MTAP: variants seen among roughly 807,000 people sequenced by gnomAD.
MTAP encodes the protein S-methyl-5'-thioadenosine phosphorylase.
A neutral mutation model predicts 33.6 loss-of-function variants in MTAP; 33 were observed. The observed-to-expected ratio is 0.98, with a 90% CI of 0.74 to 1.31. The LOEUF is 1.31. Among genes scored for constraint, MTAP ranks in the 40% most tolerant of loss-of-function variants. The probability of loss-of-function intolerance (pLI) is 0.00; values close to 1 mark genes in which losing one functional copy is unlikely to be tolerated. For missense variants in MTAP, 367 were observed against 360.0 expected, an observed-to-expected ratio of 1.02 and a Z score of -0.16; for synonymous variants, 148 against 125.7, an observed-to-expected ratio of 1.18 and a Z score of -1.19.
intron 1 of MTAP, among the ~76,000 whole-genome samples, chr9:21,879,944 TTCTC>T (rs1817979372): frequency 1.3e-5 from 2 of 152,078 alleles, no homozygotes; most frequent in Admixed American, 1.3e-4. Flanking sequence ...GGCCTGCCCT[TTCTC>T]TCTGGCTTCC....
intron 1 of MTAP, among the ~76,000 whole-genome samples, chr9:21,926,045 G>T (rs1047826658): frequency 7.9e-5 from 12 of 152,156 alleles, no homozygotes; most frequent in African/African-American, 2.7e-4. Context: ...TAGACTAGGG[G>T]CTTAGTTAAC....
intron 2 of MTAP, among the ~76,000 whole-genome samples, chr9:21,815,800 G>C (rs1824459595): frequency 6.6e-6 from 1 of 152,118 alleles, no homozygotes; most frequent in African/African-American, 2.4e-5. Flanking sequence ...TCAGACCACA[G>C]ACTCATTTCA....
At chr9:21,822,936 G>A (rs1824683910) in intron 4 of MTAP, among the ~76,000 whole-genome samples, 1 of 152,164 alleles carries the variant, frequency 6.6e-6, no homozygotes, top group Admixed American at 6.5e-5. Context: ...TTTTATCAGA[G>A]ACTAGGATTG....
At chr9:21,832,972 A>T (rs1251147373) in intron 4 of MTAP, among the ~76,000 whole-genome samples, 3 of 152,112 alleles carry the variant, frequency 2.0e-5, no homozygotes, top group African/African-American at 4.8e-5. Context: ...TAGAGTGAGG[A>T]TTTTTATTTT....
At position 21,863,782 on chromosome 9, in the gene MTAP, G is replaced by T; in HGVS notation, c.*1768G>T. 1.0e-6 allele frequency: 1 copy of T among 985,856 alleles called. No individual in the cohort carries two copies. The highest frequency in any genetic ancestry group is 1.2e-6 in the Non-Finnish European group (1 of 829,936). The allele number at this position is 985,856 out of a possible 1,614,324, so 61.1% of individuals were successfully genotyped here. A position where few individuals can be genotyped will look rare whatever the true frequency, so the allele number is the denominator to read the frequency against. ...TATTTAAAGAGTTTGTAAAGTCAAT[G>T]TGTTTGTTTGTGTCTCTGAGATTGA... On this transcript the variant is annotated 3_prime_UTR_variant, in exon 8 of 8. Transcript: ENST00000644715.
intron 5 of MTAP, among the ~76,000 whole-genome samples, chr9:21,851,257 G>A (rs1474557859): frequency 2.0e-5 from 3 of 152,216 alleles, no homozygotes; most frequent in African/African-American, 7.2e-5. Context: ...GGTAGTAGAA[G>A]AAGGTAGTCA....
Position 21,864,299 on chromosome 9 carries a change from T to A in MTAP, c.*2285T>A, listed in dbSNP as rs1479108419. The A allele has an allele frequency of 1.0e-6, 1 of 985,282 alleles. No homozygotes were observed. The highest frequency in any genetic ancestry group is 1.7e-5 in the African/African-American group (1 of 57,230). 61.0% of individuals were successfully genotyped at this position (985,282 alleles called of 1,614,324 possible). A position where few individuals can be genotyped will look rare whatever the true frequency, so the allele number is the denominator to read the frequency against. ...TTTCCTCATACCTTATGCTTGAGGA[T>A]ATTGTTGAAGAACACTTCCTGGAAC... On this transcript the variant is annotated 3_prime_UTR_variant, in exon 8 of 8. Coordinates refer to ENST00000644715, the MANE Select transcript of MTAP (RefSeq NM_002451.4).
At chr9:21,811,576 G>C (rs1199754463) in intron 1 of MTAP, 1 of 400,592 alleles carries the variant, frequency 2.5e-6, no homozygotes, top group African/African-American at 2.1e-5. Context: ...GTGAATAAAG[G>C]GTTCACACCA....
At chr9:21,920,624 A>G (rs941145823) in intron 1 of MTAP, among the ~76,000 whole-genome samples, 1 of 152,172 alleles carries the variant, frequency 6.6e-6, no homozygotes, top group African/African-American at 2.4e-5. Context: ...TTCTCTATGG[A>G]TATTTTCACC....
Position 21,847,204 on chromosome 9 carries a change from G to C in MTAP, c.451-7427G>C, listed in dbSNP as rs561070332. The stretch of plus-strand genomic sequence containing the variant: ...TTTGGAACTCTGACTGGCTCTCCTT[G>C]CTCCTCAGCCTGCAGACGGCCTATT... On this transcript the variant is annotated intron_variant, in intron 5 of 7. Transcript: ENST00000644715. Among the ~76,000 whole-genome samples, 6 of 152,290 alleles carry C rather than the reference G, an allele frequency of 3.9e-5. No individual in the cohort carries two copies. In the South Asian group the frequency reaches 1.2e-3, roughly 32 times the overall value.
rs1050412973 is a variant in MTAP at position 21,859,285 on chromosome 9, G to C, written c.691-18G>C. ...GAATTTTAAGTTCTAGTAACCTCCA[G>C]TGCTATTGTTTCTCTAGGTTTCGGT... On this transcript the variant is annotated intron_variant, in intron 6 of 7. Coordinates refer to ENST00000644715, the MANE Select transcript of MTAP (RefSeq NM_002451.4). The C allele has an allele frequency of 1.9e-6, 3 of 1,600,684 alleles. No homozygotes were observed. The African/African-American group carries it at 4.1e-5, about 22-fold the overall frequency.
downstream of MTAP, among the ~76,000 whole-genome samples, chr9:21,867,370 A>G (rs1035266698): frequency 6.6e-6 from 1 of 152,096 alleles, no homozygotes; most frequent in Admixed American, 6.6e-5. Flanking sequence ...CTATTTTGCC[A>G]AGAGTGTCAT....
chr9:21,890,251 G>C (rs1030257612), intron 1 of MTAP, among the ~76,000 whole-genome samples: 1 of 152,112 alleles, frequency 6.6e-6, no homozygotes, highest in Non-Finnish European at 1.5e-5. Flanking sequence ...GCCTCACCCA[G>C]TTCCCACGCA....
chr9:21,863,184 A>C lies in MTAP; in HGVS notation c.*1170A>C, dbSNP rs1375725934. The C allele has an allele frequency of 1.0e-5, 10 of 958,474 alleles. No homozygotes were observed. Among genetic ancestry groups the C allele is most frequent in the Non-Finnish European group, 1.2e-5 (10 of 805,464 alleles). 59.4% of individuals were successfully genotyped at this position (958,474 alleles called of 1,614,324 possible). On this transcript the variant is annotated 3_prime_UTR_variant, in exon 8 of 8. Coordinates refer to ENST00000644715, the MANE Select transcript of MTAP (RefSeq NM_002451.4). Reference sequence around the variant, plus strand: ...CTAAATGCACATTTTATGGTATCTGATATTTTAAAAAGTAATGTTTGATTC... The same window carrying C: ...CTAAATGCACATTTTATGGTATCTGCTATTTTAAAAAGTAATGTTTGATTC...
At chr9:21,937,998 C>T (rs539893762), downstream of MTAP, among the ~76,000 whole-genome samples, 5 of 152,172 alleles carry the variant, frequency 3.3e-5, no homozygotes, top group South Asian at 2.1e-4. Context: ...GGCAGCCCAG[C>T]GTGGTGGCTC....
chr9:21,831,627 T>G (rs774718560), intron 4 of MTAP, among the ~76,000 whole-genome samples: 10 of 152,148 alleles, frequency 6.6e-5, no homozygotes, highest in Non-Finnish European at 1.2e-4. Flanking sequence ...TGCACCCAGC[T>G]ACATATTTTT....
chr9:21,802,652 C>A lies in MTAP; in HGVS notation c.-97C>A. The A allele has an allele frequency of 7.1e-7, 1 of 1,399,208 alleles. No individual in the cohort carries two copies. Among genetic ancestry groups the A allele is most frequent in the Non-Finnish European group, 1.0e-6 (1 of 997,822 alleles). The allele number at this position is 1,399,208 out of a possible 1,614,324, so 86.7% of individuals were successfully genotyped here. On this transcript the variant is annotated 5_prime_UTR_variant, in exon 1 of 8. Coordinates refer to ENST00000644715, the MANE Select transcript of MTAP (RefSeq NM_002451.4). ...GCCCCTGGTCTCCGCACTGCTCACT[C>A]CCGCGCAGTGAGGTTGGCACAGCCA...
At chr9:21,816,897 A>G in intron 3 of MTAP, 125 bp downstream of exon 3, 2 of 752,824 alleles carry the variant, frequency 2.7e-6, no homozygotes, top group Non-Finnish European at 4.2e-6. Context: ...ACATCTTAGT[A>G]ACCTTTATTT....
At chr9:21,833,559 C>T (rs910905849) in intron 4 of MTAP, among the ~76,000 whole-genome samples, 2 of 152,110 alleles carry the variant, frequency 1.3e-5, no homozygotes, top group African/African-American at 4.8e-5. Context: ...TGCCTATTCA[C>T]GCTGCTGTTT....
Sources: allele counts gnomAD v4.1 joint callset (sites outside exome capture counted in the v4.1 genomes callset), GRCh38; gene constraint gnomAD v4.1.1; transcripts MANE v1.5; gene names NCBI Gene and HGNC (gene_info 2026-07-23, HGNC 2026-07-21).